NELL1: variants seen among roughly 807,000 people sequenced by gnomAD.
The protein encoded by NELL1 is protein kinase C-binding protein NELL1.
In NELL1, 76 loss-of-function variants were observed where a neutral mutation model predicts 107.4. That is an observed-to-expected ratio of 0.71 (90% CI 0.59 to 0.86). The LOEUF (loss-of-function observed/expected upper bound fraction) is 0.86. Among genes scored for constraint, NELL1 ranks in the 40% least tolerant of loss-of-function variants. NELL1 has a pLI of 0.00. For missense variants in NELL1, 1,024 were observed against 1,005.5 expected, an observed-to-expected ratio of 1.02 and a Z score of -0.25; for synonymous variants, 353 against 341.2, an observed-to-expected ratio of 1.03 and a Z score of -0.38.
chr11:20,872,623 G>A (rs913760345), intron 4 of NELL1, among the ~76,000 whole-genome samples: 2 of 151,576 alleles, frequency 1.3e-5, no homozygotes, highest in African/African-American at 4.8e-5. Context: ...GAGTCAGAAA[G>A]TCAAAGAATA....
intron 15 of NELL1, among the ~76,000 whole-genome samples, chr11:21,445,681 A>T (rs1240154281): frequency 6.6e-6 from 1 of 152,152 alleles, no homozygotes; most frequent in African/African-American, 2.4e-5. Flanking sequence ...GCTTATTAAT[A>T]TCCTTTTCTT....
chr11:21,498,528 G>A (rs1235659687), intron 15 of NELL1, among the ~76,000 whole-genome samples: 1 of 151,538 alleles, frequency 6.6e-6, no homozygotes, highest in East Asian at 1.9e-4. Flanking sequence ...TCTATTTGAA[G>A]AAGACAAGAT....
chr11:21,500,867 C>G (rs186086416), intron 15 of NELL1, among the ~76,000 whole-genome samples: 1 of 152,264 alleles, frequency 6.6e-6, no homozygotes, highest in Non-Finnish European at 1.5e-5. Flanking sequence ...TGTCCAACAT[C>G]ATACTTGCCG....
chr11:21,387,284 A>T (rs1246176024), intron 15 of NELL1, among the ~76,000 whole-genome samples: 1 of 151,716 alleles, frequency 6.6e-6, no homozygotes, highest in Non-Finnish European at 1.5e-5. Flanking sequence ...CCTGCTGTTC[A>T]TTTTTTCTAT....
chr11:20,909,294 G>A (rs1185189648), intron 5 of NELL1, among the ~76,000 whole-genome samples: 1 of 152,114 alleles, frequency 6.6e-6, no homozygotes. Flanking sequence ...CCACTGAATT[G>A]TGCACTTAAA....
chr11:21,352,022 T>C (rs1391911838), intron 14 of NELL1, among the ~76,000 whole-genome samples: 1 of 152,194 alleles, frequency 6.6e-6, no homozygotes, highest in African/African-American at 2.4e-5. Context: ...TTGCAATTCC[T>C]GGACATACTA....
At chr11:21,569,122 T>A (rs565246474) in intron 17 of NELL1, among the ~76,000 whole-genome samples, 61 of 151,854 alleles carry the variant, frequency 4.0e-4, no homozygotes, top group African/African-American at 1.3e-3. Context: ...GTGACAGGAA[T>A]TTTTCAGCTT....
intron 16 of NELL1, among the ~76,000 whole-genome samples, chr11:21,537,068 A>G (rs1294458480): frequency 6.6e-6 from 1 of 152,166 alleles, no homozygotes; most frequent in Non-Finnish European, 1.5e-5. Context: ...TAATTTGGGT[A>G]GTAGTCTGAA....
intron 12 of NELL1, among the ~76,000 whole-genome samples, chr11:20,963,643 A>G (rs114515822): frequency 0.01 from 1,544 of 152,194 alleles, 22 homozygotes; most frequent in African/African-American, 0.035. Flanking sequence ...AAGCTTACAG[A>G]TGGCCAAATG....
intron 2 of NELL1, among the ~76,000 whole-genome samples, chr11:20,692,096 T>C (rs1320405995): frequency 6.6e-6 from 1 of 151,926 alleles, no homozygotes; most frequent in Non-Finnish European, 1.5e-5. Context: ...TATTCTCTGA[T>C]GGTAGTTTGT....
intron 3 of NELL1, among the ~76,000 whole-genome samples, chr11:20,826,830 G>A (rs1200881598): frequency 2.0e-5 from 3 of 151,168 alleles, no homozygotes; most frequent in Non-Finnish European, 4.4e-5. Flanking sequence ...CCTTTGCATG[G>A]AGGAGTGAGA....
At chr11:21,267,390 T>C (rs974873841) in intron 14 of NELL1, among the ~76,000 whole-genome samples, 1 of 152,142 alleles carries the variant, frequency 6.6e-6, no homozygotes, top group African/African-American at 2.4e-5. Context: ...CAAAATATAG[T>C]TCAAAATAGT....
At chr11:21,160,687 C>T (rs1856344479) in intron 13 of NELL1, among the ~76,000 whole-genome samples, 1 of 152,028 alleles carries the variant, frequency 6.6e-6, no homozygotes, top group Non-Finnish European at 1.5e-5. Flanking sequence ...AATATTTTAG[C>T]AAGTTTTGAG....
chr11:21,256,888 G>C (rs1050053747), intron 14 of NELL1, among the ~76,000 whole-genome samples: 2 of 152,170 alleles, frequency 1.3e-5, no homozygotes, highest in East Asian at 3.9e-4. Context: ...AAGACATCCA[G>C]TGTTGGGTAC....
intron 14 of NELL1, among the ~76,000 whole-genome samples, chr11:21,233,636 A>G (rs1858122477): frequency 6.6e-6 from 1 of 152,218 alleles, no homozygotes; most frequent in Non-Finnish European, 1.5e-5. Context: ...TTGGCATTTG[A>G]GTTTAAATGG....
At chr11:21,573,483 T>C in intron 19 of NELL1, 74 bp downstream of exon 19, 4 of 1,248,392 alleles carry the variant, frequency 3.2e-6, no homozygotes, top group Non-Finnish European at 3.5e-6. Context: ...CCACTCCTGA[T>C]GTTTCTGAAT....
At chr11:20,709,895 A>T (rs1438771462) in intron 2 of NELL1, among the ~76,000 whole-genome samples, 3 of 151,974 alleles carry the variant, frequency 2.0e-5, no homozygotes, top group African/African-American at 7.3e-5. Context: ...GTGTACATTG[A>T]TTTTGTATCC....
At chr11:20,908,948 T>C (rs1313747631) in intron 5 of NELL1, among the ~76,000 whole-genome samples, 1 of 152,148 alleles carries the variant, frequency 6.6e-6, no homozygotes, top group African/African-American at 2.4e-5. Context: ...CATGTATGAA[T>C]GGATAAAGAA....
chr11:20,986,529 T>G (rs1473713177), intron 12 of NELL1, among the ~76,000 whole-genome samples: 3 of 152,140 alleles, frequency 2.0e-5, no homozygotes, highest in African/African-American at 7.2e-5. Flanking sequence ...TTCACAAATT[T>G]CCATGTGCAT....
Sources: allele counts gnomAD v4.1 joint callset (sites outside exome capture counted in the v4.1 genomes callset), GRCh38; gene constraint gnomAD v4.1.1; transcripts MANE v1.5; gene names NCBI Gene and HGNC (gene_info 2026-07-23, HGNC 2026-07-21).